The following SUSD4 variants were observed in gnomAD, a reference collection of about 807,000 sequenced individuals.
The protein encoded by SUSD4 is sushi domain containing 4.
In SUSD4, 41 loss-of-function variants were observed where a neutral mutation model predicts 50.5. The observed-to-expected ratio is 0.81, with a 90% CI of 0.63 to 1.05. SUSD4 has a LOEUF of 1.05. SUSD4 is among the 50% of genes least tolerant of loss of function. The pLI is 0.00. For missense variants in SUSD4, 580 were observed against 634.7 expected (o/e 0.91, Z 0.93); for synonymous variants, 257 against 257.3 (o/e 1.00, Z 0.01).
At chr1:223,247,756 A>AGG (rs899793689) in intron 5 of SUSD4, among the ~76,000 whole-genome samples, 42 of 152,178 alleles carry the variant, frequency 2.8e-4, no homozygotes, top group African/African-American at 9.2e-4. Flanking sequence ...ATTGGTCTGG[A>AGG]GGGGGTCCTG....
At chr1:223,297,170 G>A (rs1319654623) in intron 2 of SUSD4, among the ~76,000 whole-genome samples, 1 of 152,230 alleles carries the variant, frequency 6.6e-6, no homozygotes, top group Admixed American at 6.5e-5. Context: ...CCATGCAGCT[G>A]CAGGGACAGG....
chr1:223,354,761 A>C (rs142439783), intron 2 of SUSD4, among the ~76,000 whole-genome samples: 2 of 152,298 alleles, frequency 1.3e-5, no homozygotes, highest in African/African-American at 4.8e-5. Flanking sequence ...AAACCTATTA[A>C]ATTTTTACAA....
chr1:223,309,447 C>G (rs943690074), intron 2 of SUSD4, among the ~76,000 whole-genome samples: 1 of 152,168 alleles, frequency 6.6e-6, no homozygotes, highest in Non-Finnish European at 1.5e-5. Context: ...AGGGAAACAA[C>G]AGGACCTCTC....
At chr1:223,309,469 C>T (rs367728086) in intron 2 of SUSD4, among the ~76,000 whole-genome samples, 53 of 152,290 alleles carry the variant, frequency 3.5e-4, no homozygotes, top group African/African-American at 5.8e-4. Context: ...AGGTTCTACT[C>T]GCAGGTCAGA....
intron 3 of SUSD4, among the ~76,000 whole-genome samples, chr1:223,278,125 T>G (rs1334702184): frequency 6.6e-6 from 1 of 152,038 alleles, no homozygotes; most frequent in Non-Finnish European, 1.5e-5. Flanking sequence ...CGGTCTATGG[T>G]TCCCAGCATG....
intron 2 of SUSD4, among the ~76,000 whole-genome samples, chr1:223,297,761 G>A (rs1210272096): frequency 2.0e-5 from 3 of 152,186 alleles, no homozygotes; most frequent in African/African-American, 7.2e-5. Flanking sequence ...ACTGGGCTGT[G>A]AACTCCTGGA....
At position 223,224,861 on chromosome 1, in the gene SUSD4, C is replaced by CCTT. The variant is rs1491253468; in HGVS notation, c.1062-1233_1062-1231dup. On this transcript the variant is annotated intron_variant, in intron 7 of 8. Coordinates refer to ENST00000366878, the MANE Select transcript of SUSD4 (RefSeq NM_017982.4). Reference sequence around the variant, plus strand: ...AGTAGCCAATAGAACTTGGTTTCTTCCTTTTTTTTTTTTTTTTTTTTTTTT... The same window carrying CCTT: ...AGTAGCCAATAGAACTTGGTTTCTTCCTTCTTTTTTTTTTTTTTTTTTTTTTTT... Among the ~76,000 whole-genome samples the CCTT allele has an allele frequency of 3.8e-3, 431 of 113,642 alleles. 20 individuals are homozygous for CCTT. Among genetic ancestry groups the CCTT allele is most frequent in the African/African-American group, 0.01 (305 of 29,880 alleles). 74.6% of individuals were successfully genotyped at this position (113,642 alleles called of 152,430 possible).
At chr1:223,295,963 G>C (rs984254144) in intron 2 of SUSD4, among the ~76,000 whole-genome samples, 1 of 152,116 alleles carries the variant, frequency 6.6e-6, no homozygotes, top group African/African-American at 2.4e-5. Flanking sequence ...AAAAGGGTGG[G>C]AAGATCATTT....
chr1:223,240,999 C>T (rs1571862264), intron 5 of SUSD4, among the ~76,000 whole-genome samples: 1 of 152,322 alleles, frequency 6.6e-6, no homozygotes, highest in East Asian at 1.9e-4. Context: ...TGAGCCTCTG[C>T]ACTGTGAGCT....
chr1:223,331,272 T>C (rs186405090), intron 2 of SUSD4, among the ~76,000 whole-genome samples: 2 of 152,290 alleles, frequency 1.3e-5, no homozygotes, highest in Admixed American at 6.5e-5. Context: ...TGGGGGCGCT[T>C]TGGAGTTCAC....
chr1:223,317,851 CTTTTTTTTT>C (rs1172641015), intron 2 of SUSD4, among the ~76,000 whole-genome samples: 1 of 100,734 alleles, frequency 9.9e-6, no homozygotes, highest in South Asian at 3.7e-4. Flanking sequence ...TTTTTTTTTT[CTTTTTTTTT>C]TTTTTTTTTA....
intron 5 of SUSD4, among the ~76,000 whole-genome samples, chr1:223,255,214 G>A (rs938554375): frequency 1.3e-5 from 2 of 152,204 alleles, no homozygotes; most frequent in African/African-American, 4.8e-5. Context: ...CCTAGGCCCA[G>A]GGAACACACA....
chr1:223,292,296 T>C lies in SUSD4; in HGVS notation c.361+143A>G, dbSNP rs1003051827. ...CTCTATCCCAACCCTCATTACCCACTCCTGCTTTCTGGTCAGCATGCAGGT... is the reference window on the plus strand; with the variant it reads ...CTCTATCCCAACCCTCATTACCCACCCCTGCTTTCTGGTCAGCATGCAGGT... On this transcript the variant is annotated intron_variant, in intron 3 of 8. Transcript: ENST00000366878. 7.0e-5 allele frequency: 57 copies of C among 814,466 alleles called. No individual in the cohort carries two copies. In the South Asian group the frequency reaches 9.1e-4, roughly 13 times the overall value. 50.5% of individuals were successfully genotyped at this position (814,466 alleles called of 1,614,324 possible).
chr1:223,345,974 C>T (rs890897034), intron 2 of SUSD4, among the ~76,000 whole-genome samples: 1 of 152,192 alleles, frequency 6.6e-6, no homozygotes, highest in Non-Finnish European at 1.5e-5. Flanking sequence ...TGTCTCCCTT[C>T]AGCCTCCCCT....
chr1:223,307,437 TCTCACAGTTGCTTTA>T, intron 2 of SUSD4, among the ~76,000 whole-genome samples: 1 of 152,234 alleles, frequency 6.6e-6, no homozygotes, highest in South Asian at 2.1e-4. Context: ...TAGGATTAGT[TCTCACAGTTGCTTTA>T]TGAAAATCCA....
In SUSD4 at chr1:223,332,801, C is replaced by T. The variant is rs1225164398; in HGVS notation, c.148+30477G>A. ...AGGTTTGCTCCTTCTCTGTCCTGCC[C>T]CTGTCCTTTATGCCTACCTCCAGCT... On this transcript the variant is annotated intron_variant, in intron 2 of 8. Coordinates refer to ENST00000366878, the MANE Select transcript of SUSD4 (RefSeq NM_017982.4). The surrounding 1 kb of genome is among the most constrained non-coding windows in gnomAD (Gnocchi z 4.0). Among the ~76,000 whole-genome samples, 2 of 152,134 alleles carry T rather than the reference C, an allele frequency of 1.3e-5. No individual in the cohort carries two copies. Among genetic ancestry groups the T allele is most frequent in the African/African-American group, 2.4e-5 (1 of 41,420 alleles).
chr1:223,300,579 C>T (rs1466847025), intron 2 of SUSD4, among the ~76,000 whole-genome samples: 1 of 151,716 alleles, frequency 6.6e-6, no homozygotes, highest in African/African-American at 2.4e-5. Flanking sequence ...TCAAATGTAG[C>T]CAAATCAATT....
rs936887080 is a variant in SUSD4 at position 223,280,200 on chromosome 1, A to G, written c.362-11525T>C. Among the ~76,000 whole-genome samples the G allele has an allele frequency of 6.0e-4, 91 of 152,322 alleles. 1 individual carries two copies. The highest frequency in any genetic ancestry group is 9.7e-4 in the Non-Finnish European group (66 of 68,028). ...CAACTAATGAGCAAAATAACCAGCT[A>G]ACATCATAATGACAGGATCAAATTC... On this transcript the variant is annotated intron_variant, in intron 3 of 8. Transcript: ENST00000366878.
intron 2 of SUSD4, among the ~76,000 whole-genome samples, chr1:223,328,139 T>C (rs569742272): frequency 6.6e-6 from 1 of 152,248 alleles, no homozygotes; most frequent in East Asian, 1.9e-4. Context: ...ATCTTTCAAC[T>C]CTGTTATTAG....
Sources: allele counts gnomAD v4.1 joint callset (sites outside exome capture counted in the v4.1 genomes callset), GRCh38; gene constraint gnomAD v4.1.1; non-coding constraint Gnocchi (gnomAD v3.1); transcripts MANE v1.5; gene names NCBI Gene and HGNC (gene_info 2026-07-23, HGNC 2026-07-21).